NR3C2: variants seen among roughly 807,000 people sequenced by gnomAD.
NR3C2 encodes the protein nuclear receptor subfamily 3 group C member 2.
A neutral mutation model predicts 86.4 loss-of-function variants in NR3C2; 15 were observed. The observed-to-expected ratio is 0.17, with a 90% CI of 0.12 to 0.27. The LOEUF (loss-of-function observed/expected upper bound fraction) is 0.27. NR3C2 is among the 10% of genes least tolerant of loss of function. The pLI is 1.00. For synonymous variants in NR3C2, 458 were observed against 450.5 expected (o/e 1.02, Z -0.21); for missense variants, 960 against 1,195.6 (o/e 0.80, Z 2.91).
intron 2 of NR3C2, among the ~76,000 whole-genome samples, chr4:148,363,101 T>C (rs1745923520): frequency 6.6e-6 from 1 of 152,194 alleles, no homozygotes; most frequent in Non-Finnish European, 1.5e-5. Flanking sequence ...AGGACACTGC[T>C]TTAAACCACC....
At chr4:148,265,721 A>C (rs778842409) in intron 2 of NR3C2, among the ~76,000 whole-genome samples, 3 of 152,336 alleles carry the variant, frequency 2.0e-5, no homozygotes, top group Non-Finnish European at 4.4e-5. Context: ...TCAAACATTC[A>C]TTCACCTATC....
At chr4:148,200,854 T>C (rs961678066) in intron 3 of NR3C2, among the ~76,000 whole-genome samples, 6 of 152,220 alleles carry the variant, frequency 3.9e-5, no homozygotes, top group Non-Finnish European at 8.8e-5. Flanking sequence ...AATGGACTTG[T>C]AGCTAGTCTA....
intron 2 of NR3C2, among the ~76,000 whole-genome samples, chr4:148,299,571 G>T (rs1186139550): frequency 6.6e-6 from 1 of 152,194 alleles, no homozygotes; most frequent in East Asian, 1.9e-4. Context: ...TGTGTGGCAG[G>T]CTGGCCAGCA....
chr4:148,154,290 C>T (rs903403080), intron 5 of NR3C2, among the ~76,000 whole-genome samples: 12 of 152,206 alleles, frequency 7.9e-5, no homozygotes, highest in African/African-American at 2.7e-4. Flanking sequence ...TCCCAAAGTG[C>T]TGGGATTACA....
intron 2 of NR3C2, among the ~76,000 whole-genome samples, chr4:148,358,970 A>G (rs200799993): frequency 0.013 from 3 of 240 alleles, no homozygotes; most frequent in Admixed American, 0.045. Flanking sequence ...ACACACACGC[A>G]CACACACACA....
intron 2 of NR3C2, among the ~76,000 whole-genome samples, chr4:148,347,273 A>G (rs961042143): frequency 7.2e-5 from 11 of 151,916 alleles, no homozygotes; most frequent in African/African-American, 2.7e-4. Flanking sequence ...ATTTTAAATC[A>G]GCGTTTTTCA....
In NR3C2 at chr4:148,313,558, G is replaced by T. The variant is rs932661972; in HGVS notation, c.1758-53441C>A. ...TCCTATGAGGTAGATATTATCGGTC[G>T]TGCTTTAAAAATTAAAGAAAACTGA... On this transcript the variant is annotated intron_variant, in intron 2 of 8. Transcript: ENST00000358102. Among the ~76,000 whole-genome samples, 6 of 152,072 alleles carry T rather than the reference G, an allele frequency of 3.9e-5. No individual in the cohort carries two copies. In the South Asian group the frequency reaches 8.3e-4, roughly 21 times the overall value.
At chr4:148,213,557 G>T (rs997424754) in intron 3 of NR3C2, among the ~76,000 whole-genome samples, 1 of 152,058 alleles carries the variant, frequency 6.6e-6, no homozygotes, top group African/African-American at 2.4e-5. Context: ...ATTATTCTGC[G>T]GCTGTTCCAA....
chr4:148,328,446 C>T (rs1744068350), intron 2 of NR3C2, among the ~76,000 whole-genome samples: 1 of 152,158 alleles, frequency 6.6e-6, no homozygotes, highest in Non-Finnish European at 1.5e-5. Flanking sequence ...AAAGCCAAAG[C>T]CCTGACTTTC....
At chr4:148,084,082 A>C (rs1730702030) in intron 8 of NR3C2, among the ~76,000 whole-genome samples, 1 of 152,266 alleles carries the variant, frequency 6.6e-6, no homozygotes, top group African/African-American at 2.4e-5. Context: ...AATAGAACCA[A>C]GTTGGAAAAC....
intron 4 of NR3C2, among the ~76,000 whole-genome samples, chr4:148,186,996 GTATATATATATA>G (rs1162757665): frequency 7.8e-3 from 211 of 27,180 alleles, no homozygotes; most frequent in South Asian, 0.026. Flanking sequence ...GTGTATGTAT[GTATATATATATA>G]TATATATATA....
rs549655078 is a variant in NR3C2 at position 148,078,867 on chromosome 4, G to A, written c.*2477C>T. 14 of 152,702 alleles carry A rather than the reference G, an allele frequency of 9.2e-5. No homozygotes were observed. Among genetic ancestry groups the A allele is most frequent in the Non-Finnish European group, 1.6e-4 (11 of 68,036 alleles). The allele number at this position is 152,702 out of a possible 1,614,324, so 9.5% of individuals were successfully genotyped here. A position where few individuals can be genotyped will look rare whatever the true frequency, so the allele number is the denominator to read the frequency against. On this transcript the variant is annotated 3_prime_UTR_variant, in exon 9 of 9. Transcript: ENST00000358102. ...AATTGCTTCATTTTAAACTAATTTA[G>A]TGTTTCTTTAAATTATATGAACTTT... is the stretch of plus-strand genomic sequence containing the variant.
chr4:148,089,269 G>A (rs1369054165), intron 8 of NR3C2, among the ~76,000 whole-genome samples: 1 of 152,194 alleles, frequency 6.6e-6, no homozygotes, highest in Non-Finnish European at 1.5e-5. Flanking sequence ...CAAGGACTGT[G>A]GGGTTTAATG....
intron 8 of NR3C2, among the ~76,000 whole-genome samples, chr4:148,082,859 C>T (rs750348108): frequency 6.6e-6 from 1 of 152,028 alleles, no homozygotes; most frequent in Non-Finnish European, 1.5e-5. Context: ...CTGAAGTCGA[C>T]CCGGGATGCT....
intron 2 of NR3C2, among the ~76,000 whole-genome samples, chr4:148,412,996 A>G (rs1364301265): frequency 6.6e-6 from 1 of 152,222 alleles, no homozygotes; most frequent in Non-Finnish European, 1.5e-5. Context: ...TTAAGACAGC[A>G]ATCTCAATCT....
chr4:148,246,096 CA>C (rs1315876963), intron 3 of NR3C2, among the ~76,000 whole-genome samples: 39 of 18,996 alleles, frequency 2.1e-3, no homozygotes, highest in African/African-American at 0.011. Flanking sequence ...GATGCTATAA[CA>C]ACAACAACAA....
chr4:148,381,143 G>T (rs113716224), intron 2 of NR3C2, among the ~76,000 whole-genome samples: 49 of 151,650 alleles, frequency 3.2e-4, no homozygotes, highest in African/African-American at 1.1e-3. Context: ...CAGGAGGATC[G>T]CTTGAGCCCA....
intron 3 of NR3C2, among the ~76,000 whole-genome samples, chr4:148,210,992 T>C (rs1737255885): frequency 6.6e-6 from 1 of 152,196 alleles, no homozygotes; most frequent in South Asian, 2.1e-4. Context: ...AGATATAAAG[T>C]GATCATTAGA....
At chr4:148,251,460 T>C (rs1190659097) in intron 3 of NR3C2, among the ~76,000 whole-genome samples, 1 of 152,194 alleles carries the variant, frequency 6.6e-6, no homozygotes, top group Non-Finnish European at 1.5e-5. Flanking sequence ...CGAGTGCAAG[T>C]TCTCTGAGAG....
Sources: gnomAD v4.1 joint callset for allele counts (sites outside exome capture counted in the v4.1 genomes callset) on GRCh38, gnomAD v4.1.1 for gene constraint, MANE v1.5 for transcripts, NCBI Gene and HGNC (gene_info 2026-07-23, HGNC 2026-07-21) for gene names.